DNAH7: variants seen among roughly 807,000 people sequenced by gnomAD.
DNAH7 encodes the protein dynein axonemal heavy chain 7.
In DNAH7, 397 loss-of-function variants were observed where a neutral mutation model predicts 444.6. The ratio of observed to expected loss-of-function variants is 0.89; its 90% CI spans 0.82 to 0.97. DNAH7 has a LOEUF of 0.97. Among genes scored for constraint, DNAH7 ranks in the 50% least tolerant of loss-of-function variants. The probability of loss-of-function intolerance (pLI) is 0.00; values close to 1 mark genes in which losing one functional copy is unlikely to be tolerated. For synonymous variants in DNAH7, 1,636 were observed against 1,624.4 expected (o/e 1.01, Z -0.17); for missense variants, 4,902 against 4,800.8 (o/e 1.02, Z -0.62).
intron 7 of DNAH7, 39 bp downstream of exon 7, chr2:196,026,721 C>T: frequency 1.4e-6 from 2 of 1,398,062 alleles, no homozygotes; most frequent in Non-Finnish European, 2.0e-6. Context: ...TAATGAGACA[C>T]ATATTTGAAT....
At chr2:195,962,159 C>T (rs80235240) in intron 17 of DNAH7, among the ~76,000 whole-genome samples, 2,421 of 152,144 alleles carry the variant, frequency 0.016, 76 homozygotes, top group African/African-American at 0.055. Flanking sequence ...ACATGGGTTA[C>T]GAGGTTACTT....
intron 61 of DNAH7, among the ~76,000 whole-genome samples, chr2:195,757,747 A>G (rs1363035726): frequency 6.6e-6 from 1 of 152,202 alleles, no homozygotes; most frequent in African/African-American, 2.4e-5. Flanking sequence ...GGGAAAAGCT[A>G]AGAATCAACC....
At chr2:195,741,708 G>C (rs939456600) in intron 63 of DNAH7, among the ~76,000 whole-genome samples, 3 of 152,174 alleles carry the variant, frequency 2.0e-5, no homozygotes, top group Non-Finnish European at 4.4e-5. Flanking sequence ...ACCTTGTAGA[G>C]TTGTTAGAAT....
At chr2:195,925,378 G>T (rs843195) in intron 22 of DNAH7, among the ~76,000 whole-genome samples, 2,167 of 152,136 alleles carry the variant, frequency 0.014, 58 homozygotes, top group African/African-American at 0.049. Flanking sequence ...CTTAAAAGTA[G>T]AAAGACAAAA....
rs1309865442 is a variant in DNAH7 at position 195,864,987 on chromosome 2, T to C, written c.6668A>G (p.Asn2223Ser). The C allele has an allele frequency of 6.2e-7, 1 of 1,604,278 alleles. No individual in the cohort carries two copies. The highest frequency in any genetic ancestry group is 8.5e-7 in the Non-Finnish European group (1 of 1,179,894). The change falls in exon 41 of 65, where the codon AAT (asparagine) becomes AGT (serine). Residue 2223 changes from asparagine to serine, a missense_variant. Physicochemically the swap from Asn to Ser is conservative, Grantham distance 46 (BLOSUM62 1). Transcript: ENST00000312428. Reference protein sequence around the residue: ...LRVYYDRLLDNTDRSWLINYI... With the variant: ...LRVYYDRLLDSTDRSWLINYI... ...GTTGATGAGCCAGCTTCTGTCTGTA[T>C]TGTCCAGAAGGCGGTCATAATACAC...
At chr2:195,777,734 A>C (rs2105952213) in intron 59 of DNAH7, 66 bp downstream of exon 59, 3 of 1,497,228 alleles carry the variant, frequency 2.0e-6, no homozygotes, top group Middle Eastern at 4.5e-4. Flanking sequence ...CCATTTAAAA[A>C]ATATCATCAC....
At chr2:195,954,824 T>G (rs988215930) in intron 19 of DNAH7, among the ~76,000 whole-genome samples, 14 of 152,350 alleles carry the variant, frequency 9.2e-5, no homozygotes, top group African/African-American at 3.4e-4. Context: ...CATAAATGTC[T>G]TCTTTTGAGA....
At chr2:195,928,606 A>G (rs1411208957) in intron 21 of DNAH7, among the ~76,000 whole-genome samples, 1 of 152,178 alleles carries the variant, frequency 6.6e-6, no homozygotes, top group Admixed American at 6.6e-5. Flanking sequence ...ACAAAAATTA[A>G]AATTCAAAGA....
At chr2:195,880,602 T>G (rs965965832) in intron 36 of DNAH7, among the ~76,000 whole-genome samples, 1 of 152,124 alleles carries the variant, frequency 6.6e-6, no homozygotes, top group African/African-American at 2.4e-5. Flanking sequence ...CCTCCCAAAG[T>G]GCTGGGATTA....
At chr2:196,023,285 G>T (rs1695488559) in intron 8 of DNAH7, among the ~76,000 whole-genome samples, 1 of 151,604 alleles carries the variant, frequency 6.6e-6, no homozygotes, top group South Asian at 2.1e-4. Flanking sequence ...AGCTTCCCAA[G>T]GCCTCCCCAG....
intron 2 of DNAH7, among the ~76,000 whole-genome samples, chr2:196,056,290 CAA>C (rs1697799464): frequency 6.6e-6 from 1 of 151,670 alleles, no homozygotes; most frequent in African/African-American, 2.4e-5. Context: ...ACTAAAAATA[CAA>C]AAATTAGGCA....
chr2:195,955,328 T>C (rs1190400877), intron 19 of DNAH7, among the ~76,000 whole-genome samples: 3 of 152,210 alleles, frequency 2.0e-5, no homozygotes, highest in African/African-American at 7.2e-5. Flanking sequence ...AAAGATCAGA[T>C]GGTTGTAGAC....
intron 10 of DNAH7, among the ~76,000 whole-genome samples, chr2:196,011,339 A>C (rs975079114): frequency 2.0e-5 from 3 of 152,176 alleles, no homozygotes; most frequent in Non-Finnish European, 2.9e-5. Context: ...TAAAGCTCAG[A>C]AGACAAAATC....
chr2:195,850,889 T>C (rs1699323234), intron 46 of DNAH7, among the ~76,000 whole-genome samples: 1 of 152,102 alleles, frequency 6.6e-6, no homozygotes, highest in African/African-American at 2.4e-5. Flanking sequence ...ACAGGGAGCC[T>C]CCATAGTGTA....
At chr2:195,860,381 T>G (rs573021878) in intron 42 of DNAH7, among the ~76,000 whole-genome samples, 1 of 152,184 alleles carries the variant, frequency 6.6e-6, no homozygotes, top group African/African-American at 2.4e-5. Context: ...TTCCATTATG[T>G]TAAAGATCAT....
chr2:195,748,523 G>A (rs1161900597), intron 63 of DNAH7, among the ~76,000 whole-genome samples: 17 of 152,180 alleles, frequency 1.1e-4, no homozygotes, highest in Middle Eastern at 3.4e-3. Context: ...AGCCCACATC[G>A]CGAAGTCAAT....
At chr2:195,882,924 A>G (rs2125180311) in intron 35 of DNAH7, among the ~76,000 whole-genome samples, 1 of 152,256 alleles carries the variant, frequency 6.6e-6, no homozygotes, top group East Asian at 1.9e-4. Context: ...AGAGGTTATG[A>G]ACTCACTGAG....
rs779016906 is a variant in DNAH7, at chr2:195,969,932, A to G, written c.2205+16T>C. 22 of 1,591,274 alleles carry G rather than the reference A, an allele frequency of 1.4e-5. No homozygotes were observed. On this transcript the variant is annotated intron_variant, in intron 17 of 64. Coordinates refer to ENST00000312428, the MANE Select transcript of DNAH7 (RefSeq NM_018897.3). ...AATTGAACTAATTCATCTTTTTAAG[A>G]ATTTTTGAATTATACCTTATCTGCA...
chr2:195,889,980 T>C (rs745910006), intron 31 of DNAH7, among the ~76,000 whole-genome samples: 15 of 152,230 alleles, frequency 9.9e-5, no homozygotes, highest in Non-Finnish European at 2.1e-4. Context: ...AGCCAGGTAT[T>C]AGCCAGAGTG....
Sources: gnomAD v4.1 joint callset for allele counts (sites outside exome capture counted in the v4.1 genomes callset) on GRCh38, gnomAD v4.1.1 for gene constraint, MANE v1.5 for transcripts, NCBI Gene and HGNC (gene_info 2026-07-23, HGNC 2026-07-21) for gene names.